ZC2HC1C: variants seen among roughly 807,000 people sequenced by gnomAD.
ZC2HC1C encodes zinc finger C2HC domain-containing protein 1C.
Under a neutral mutation model 39.2 loss-of-function variants are expected in ZC2HC1C, and 25 were observed. The observed-to-expected ratio is 0.64, with a 90% CI of 0.47 to 0.89. ZC2HC1C has a LOEUF of 0.89. Among genes scored for constraint, ZC2HC1C ranks in the 40% least tolerant of loss-of-function variants. The pLI, the probability that ZC2HC1C is intolerant of heterozygous loss-of-function variation, is 0.00. For missense variants in ZC2HC1C, 519 were observed against 548.6 expected, an observed-to-expected ratio of 0.95 and a Z score of 0.54; for synonymous variants, 209 against 214.4, an observed-to-expected ratio of 0.97 and a Z score of 0.22.
chr14:75,071,779 G>A lies in ZC2HC1C; in HGVS notation c.1206G>A (p.Arg402=), dbSNP rs1893436347. 1.9e-6 allele frequency: 3 copies of A among 1,614,040 alleles called. No individual in the cohort carries two copies. The highest frequency in any genetic ancestry group is 2.5e-6 in the Non-Finnish European group (3 of 1,180,030). ...GTGGGCGCAAATTCCTCTCGTTCAG[G>A]CTGGAGAGACACTCCAACATCTGCA... ...SHCGRKFLSF[R]LERHSNICSR... Residue 402 remains arginine, a synonymous_variant, in exon 2 of 3, where the codon AGG becomes AGA. Coordinates refer to ENST00000524913, the MANE Select transcript of ZC2HC1C (RefSeq NM_024643.4).
chr14:75,071,959 G>C (rs201283352), intron 2 of ZC2HC1C, 48 bp downstream of exon 2: 3 of 1,520,144 alleles, frequency 2.0e-6, no homozygotes, highest in Non-Finnish European at 2.6e-6. Context: ...TCATTGTAGG[G>C]GTCTGTTTTG....
intron 2 of ZC2HC1C, among the ~76,000 whole-genome samples, chr14:75,074,213 A>G (rs890295029): frequency 1.3e-5 from 2 of 152,094 alleles, no homozygotes; most frequent in African/African-American, 4.8e-5. Flanking sequence ...TGGTCTTCGA[A>G]TTCTTTTAAA....
In ZC2HC1C at chr14:75,070,982, C is replaced by T. The variant is rs763165765; in HGVS notation, c.409C>T (p.Arg137Trp). ...PFTKKRVGVD[R>W]AFPLKPMVHR... Reference sequence around the variant, plus strand: ...TACAAAGAAACGAGTTGGAGTGGACCGGGCGTTCCCATTGAAACCCATGGT... The same window carrying T: ...TACAAAGAAACGAGTTGGAGTGGACTGGGCGTTCCCATTGAAACCCATGGT... Residue 137 changes from arginine (R) to tryptophan (W), a missense_variant, in exon 2 of 3, where the codon CGG (arginine) becomes TGG (tryptophan). Physicochemically the swap from Arg to Trp is moderately radical, Grantham distance 101 (BLOSUM62 -3). Transcript: ENST00000524913. 7 of 1,614,116 alleles carry T rather than the reference C, an allele frequency of 4.3e-6. No homozygotes were observed. The highest frequency in any genetic ancestry group is 4.5e-5 in the East Asian group (2 of 44,884).
At position 75,070,822 on chromosome 14, in the gene ZC2HC1C, C is replaced by T. The variant is rs765413765; in HGVS notation, c.249C>T (p.Tyr83=). ...KWNTQTKARS[Y]SYPHCTGISQ... ...ACACCCAAACAAAAGCCCGGAGCTA[C>T]TCCTATCCCCACTGTACTGGAATCA... Residue 83 remains tyrosine, a synonymous_variant, in exon 2 of 3, where the codon TAC becomes TAT. Coordinates refer to ENST00000524913, the MANE Select transcript of ZC2HC1C (RefSeq NM_024643.4). 1 of 1,614,250 alleles carries T rather than the reference C, an allele frequency of 6.2e-7. No individual in the cohort carries two copies.
At chr14:75,074,027 A>G (rs1453063276) in intron 2 of ZC2HC1C, among the ~76,000 whole-genome samples, 1 of 152,074 alleles carries the variant, frequency 6.6e-6, no homozygotes, top group Non-Finnish European at 1.5e-5. Context: ...TCTCTGCCTC[A>G]GTCTCCTGAG....
Position 75,071,212 on chromosome 14 carries a change from C to A in ZC2HC1C, c.639C>A (p.Ile213=). Residue 213 remains isoleucine, a synonymous_variant, in exon 2 of 3, where the codon ATC becomes ATA. Transcript: ENST00000524913. ...TTGACAGGACGGAGTGGGTGCAGAT[C>A]CGAAGACTAGAAGCTGCAGGGGAGA... The part of the protein sequence containing the change: ...ANFDRTEWVQ[I]RRLEAAGESL... 6.2e-7 allele frequency: 1 copy of A among 1,614,124 alleles called. No individual in the cohort carries two copies. The highest frequency in any genetic ancestry group is 8.5e-7 in the Non-Finnish European group (1 of 1,180,028).
intron 2 of ZC2HC1C, 44 bp downstream of exon 2, chr14:75,071,955 T>C: frequency 6.5e-7 from 1 of 1,527,560 alleles, no homozygotes; most frequent in Non-Finnish European, 8.8e-7. Context: ...GTGATCATTG[T>C]AGGGGTCTGT....
chr14:75,071,815 G>A lies in ZC2HC1C; in HGVS notation c.1242G>A (p.Arg414=). The A allele has an allele frequency of 6.2e-7, 1 of 1,614,188 alleles. No individual in the cohort carries two copies. Among genetic ancestry groups the A allele is most frequent in the Non-Finnish European group, 8.5e-7 (1 of 1,180,020 alleles). Residue 414 remains arginine (R), a synonymous_variant, in exon 2 of 3, where the codon CGG becomes CGA. Coordinates refer to ENST00000524913, the MANE Select transcript of ZC2HC1C (RefSeq NM_024643.4). ...ACTCCAACATCTGCAGCAGGATGCG[G>A]GGTTCCAAGAGGAAAGTGTTTGACT... ...ERHSNICSRM[R]GSKRKVFDSS... is the part of the protein sequence containing the mutation.
intron 2 of ZC2HC1C, among the ~76,000 whole-genome samples, chr14:75,073,166 T>C (rs915071570): frequency 3.3e-5 from 5 of 152,242 alleles, no homozygotes; most frequent in African/African-American, 1.2e-4. Flanking sequence ...CTTTTAGTAG[T>C]TTGGAGAAAT....
At chr14:75,075,583 A>G (rs1893629985) in intron 2 of ZC2HC1C, among the ~76,000 whole-genome samples, 2 of 152,190 alleles carry the variant, frequency 1.3e-5, no homozygotes, top group Non-Finnish European at 2.9e-5. Context: ...GTGAAATCTA[A>G]TGCCATTTTG....
In ZC2HC1C at chr14:75,070,965, A is replaced by T. The variant is rs188211407; in HGVS notation, c.392A>T (p.Lys131Ile). Residue 131 changes from lysine to isoleucine, a missense_variant, in exon 2 of 3, where the codon AAA (lysine) becomes ATA (isoleucine). Physicochemically the swap from Lys to Ile is moderately radical, Grantham distance 102. Transcript: ENST00000524913. Reference protein sequence around the residue: ...NNQDFIPFTKKRVGVDRAFPL... With the variant: ...NNQDFIPFTKIRVGVDRAFPL... ...CAGGACTTTATCCCCTTTACAAAGA[A>T]ACGAGTTGGAGTGGACCGGGCGTTC... The T allele has an allele frequency of 3.2e-4, 517 of 1,614,076 alleles. No homozygotes were observed. The highest frequency in any genetic ancestry group is 4.1e-4 in the Non-Finnish European group (481 of 1,180,040).
chr14:75,077,359 C>G (rs1272124168), intron 2 of ZC2HC1C, among the ~76,000 whole-genome samples, 173 bp from the exon 3 acceptor site: 2 of 152,200 alleles, frequency 1.3e-5, no homozygotes, highest in East Asian at 3.8e-4. Context: ...ACCTCCTTTG[C>G]AGGCCCTTGG....
chr14:75,077,388 A>T (rs1893724484), intron 2 of ZC2HC1C, 144 bp from the exon 3 acceptor site: 2 of 1,072,078 alleles, frequency 1.9e-6, no homozygotes, highest in African/African-American at 3.2e-5. Flanking sequence ...AACGCTGGCA[A>T]GTCAGTTACC....
intron 2 of ZC2HC1C, among the ~76,000 whole-genome samples, chr14:75,076,090 A>G (rs1893654622): frequency 6.6e-6 from 1 of 151,954 alleles, no homozygotes; most frequent in Middle Eastern, 3.4e-3. Context: ...AAACAAAACA[A>G]AACAACAATA....
chr14:75,075,114 C>T (rs935868145), intron 2 of ZC2HC1C, among the ~76,000 whole-genome samples: 1 of 152,206 alleles, frequency 6.6e-6, no homozygotes, highest in African/African-American at 2.4e-5. Flanking sequence ...TCATTTTCTA[C>T]ATACCTGTCT....
Position 75,071,036 on chromosome 14 carries a change from G to C in ZC2HC1C, c.463G>C (p.Ala155Pro). 1 of 1,614,228 alleles carries C rather than the reference G, an allele frequency of 6.2e-7. No homozygotes were observed. The highest frequency in any genetic ancestry group is 8.5e-7 in the Non-Finnish European group (1 of 1,180,044). ...CAGGAAGTCGTGCAGTACAGGTGAG[G>C]CTGGCACTGATGGGGACCATAATGT... ...VHRKSCSTGE[A>P]GTDGDHNVYP... Residue 155 changes from alanine to proline, a missense_variant, in exon 2 of 3, where the codon GCT (alanine) becomes CCT (proline). Physicochemically the swap from Ala to Pro is conservative, Grantham distance 27. Transcript: ENST00000524913.
chr14:75,070,607 C>T lies in ZC2HC1C; in HGVS notation c.34C>T (p.Pro12Ser), dbSNP rs1395320124. The T allele has an allele frequency of 1.9e-6, 3 of 1,613,374 alleles. No homozygotes were observed. The highest frequency in any genetic ancestry group is 3.3e-5 in the Admixed American group (2 of 59,948). The change falls in exon 2 of 3, where the codon CCT becomes TCT. Residue 12 changes from proline to serine, a missense_variant. Coordinates refer to ENST00000524913, the MANE Select transcript of ZC2HC1C (RefSeq NM_024643.4). ...AGLQRLASHLPVGVMLPHNTT... is the reference protein window; with the variant it reads ...AGLQRLASHLSVGVMLPHNTT... ...TCTCCAGCGGTTGGCGTCACATCTG[C>T]CTGTGGGCGTTATGCTCCCACATAA...
chr14:75,069,990 A>G (rs1893277866), intron 1 of ZC2HC1C: 1 of 154,740 alleles, frequency 6.5e-6, no homozygotes, highest in African/African-American at 2.4e-5. Flanking sequence ...GACTCCTGGG[A>G]TGAGGGTTTG....
chr14:75,077,704 AC>A lies in ZC2HC1C; in HGVS notation c.*142del. 9.9e-7 allele frequency: 1 copy of A among 1,005,354 alleles called. No individual in the cohort carries two copies. Among genetic ancestry groups the A allele is most frequent in the Non-Finnish European group, 1.5e-6 (1 of 671,216 alleles). The allele number at this position is 1,005,354 out of a possible 1,614,324, so 62.3% of individuals were successfully genotyped here. A position where few individuals can be genotyped will look rare whatever the true frequency, so the allele number is the denominator to read the frequency against. ...TGCATTCAGTGTCCTCAGTGTAGCC[AC>A]CACTTTGCTCCCAAGGTGGCTGAGC... On this transcript the variant is annotated 3_prime_UTR_variant, in exon 3 of 3. Transcript: ENST00000524913.
Sources: gnomAD v4.1 joint callset for allele counts (sites outside exome capture counted in the v4.1 genomes callset) on GRCh38, gnomAD v4.1.1 for gene constraint, MANE v1.5 for transcripts, NCBI Gene and HGNC (gene_info 2026-07-23, HGNC 2026-07-21) for gene names.